Variants in GATAD2A observed in about 807,000 individuals in gnomAD.
GATAD2A encodes transcriptional repressor p66-alpha.
Under a neutral mutation model 68.5 loss-of-function variants are expected in GATAD2A, and 12 were observed. The ratio of observed to expected loss-of-function variants is 0.18; its 90% CI spans 0.11 to 0.28. The LOEUF is 0.28. Ranked by LOEUF, GATAD2A falls within the 10% of genes least tolerant of loss-of-function variation. GATAD2A has a pLI of 1.00. For missense variants in GATAD2A, 755 were observed against 868.5 expected (o/e 0.87, Z 1.64); for synonymous variants, 410 against 375.3 (o/e 1.09, Z -1.07).
intron 1 of GATAD2A, among the ~76,000 whole-genome samples, chr19:19,435,666 A>G (rs1278443223): frequency 1.3e-5 from 2 of 152,316 alleles, no homozygotes; most frequent in African/African-American, 4.8e-5. Flanking sequence ...CCTGGCCAAC[A>G]TGGCAAAACC....
At chr19:19,499,802 C>T (rs554645148) in intron 8 of GATAD2A, among the ~76,000 whole-genome samples, 13 of 152,300 alleles carry the variant, frequency 8.5e-5, no homozygotes, top group East Asian at 5.8e-4. Flanking sequence ...TCGTAACTCC[C>T]GGCCACAGGA....
chr19:19,469,727 A>G (rs941759382), intron 2 of GATAD2A, among the ~76,000 whole-genome samples: 6 of 152,214 alleles, frequency 3.9e-5, no homozygotes, highest in Admixed American at 3.3e-4. Flanking sequence ...TGGGCGGATC[A>G]CAAGGTCAGG....
At chr19:19,386,235 A>G (rs905607441) in intron 1 of GATAD2A, 2 of 150,298 alleles carry the variant, frequency 1.3e-5, no homozygotes, top group Non-Finnish European at 2.9e-5. Flanking sequence ...GGCCGAGTTT[A>G]CTCCCTTCTC....
At position 19,505,505 on chromosome 19, in the gene GATAD2A, C is replaced by T. The variant is rs1213006451; in HGVS notation, c.*31C>T. The T allele has an allele frequency of 8.4e-6, 13 of 1,542,642 alleles. No individual in the cohort carries two copies. The highest frequency in any genetic ancestry group is 3.9e-5 in the Admixed American group (2 of 50,822). The stretch of plus-strand genomic sequence containing the variant: ...GCCAGGCCCCGTGGAAGACGGGCTC[C>T]CTCCTCCCCCACCTGGCCCCTGGTC... On this transcript the variant is annotated 3_prime_UTR_variant, in exon 12 of 12. Transcript: ENST00000683918.
intron 1 of GATAD2A, among the ~76,000 whole-genome samples, chr19:19,410,099 G>T (rs577128620): frequency 2.0e-5 from 3 of 152,136 alleles, no homozygotes; most frequent in East Asian, 1.9e-4. Context: ...TCCTCTGTAC[G>T]CTGTACCCCC....
In GATAD2A at chr19:19,478,396, T is replaced by G. The variant is rs763571871; in HGVS notation, c.269+12782T>G. Among the ~76,000 whole-genome samples the G allele has an allele frequency of 2.1e-3, 322 of 152,036 alleles. 1 individual carries two copies. The highest frequency in any genetic ancestry group is 3.9e-3 in the Non-Finnish European group (265 of 67,956). On this transcript the variant is annotated intron_variant, in intron 2 of 11. Transcript: ENST00000683918. ...TGGGCAGATCACATGAGGCCAGGAGTTCGAGACCAGCCTGAGCAACATGGC... is the reference window on the plus strand; with the variant it reads ...TGGGCAGATCACATGAGGCCAGGAGGTCGAGACCAGCCTGAGCAACATGGC...
chr19:19,453,800 A>AT (rs1040022542), intron 1 of GATAD2A, among the ~76,000 whole-genome samples: 3 of 149,110 alleles, frequency 2.0e-5, no homozygotes, highest in Non-Finnish European at 4.4e-5. Flanking sequence ...AGTAGCTGGG[A>AT]TTACAGGTGC....
At chr19:19,482,360 C>T (rs1403310953) in intron 2 of GATAD2A, among the ~76,000 whole-genome samples, 1 of 152,132 alleles carries the variant, frequency 6.6e-6, no homozygotes, top group Non-Finnish European at 1.5e-5. Flanking sequence ...GCCAAGATCG[C>T]GCCACTGCAC....
intron 1 of GATAD2A, among the ~76,000 whole-genome samples, chr19:19,447,266 A>G (rs2055838363): frequency 6.6e-6 from 1 of 152,034 alleles, no homozygotes; most frequent in Non-Finnish European, 1.5e-5. Flanking sequence ...GTGAGCCAGG[A>G]TGTCAGTGTG....
At chr19:19,387,471 C>A (rs991901323) in intron 1 of GATAD2A, among the ~76,000 whole-genome samples, 25 of 152,080 alleles carry the variant, frequency 1.6e-4, no homozygotes, top group Admixed American at 1.3e-4. Flanking sequence ...AGGCACCCAC[C>A]ACCATGCCTG....
chr19:19,442,976 A>G (rs779828651), intron 1 of GATAD2A, among the ~76,000 whole-genome samples: 1 of 152,098 alleles, frequency 6.6e-6, no homozygotes, highest in Non-Finnish European at 1.5e-5. Context: ...GTTCCCTCGC[A>G]TGGCAGTGCT....
At chr19:19,418,129 G>A (rs949675394) in intron 1 of GATAD2A, among the ~76,000 whole-genome samples, 11 of 152,262 alleles carry the variant, frequency 7.2e-5, no homozygotes, top group Middle Eastern at 3.4e-3. Context: ...GGTCCTGGAG[G>A]GTGCTCTGGG....
chr19:19,459,249 A>G (rs937883554), intron 1 of GATAD2A, among the ~76,000 whole-genome samples: 4 of 152,192 alleles, frequency 2.6e-5, no homozygotes, highest in Non-Finnish European at 5.9e-5. Flanking sequence ...AATGTTTACT[A>G]TAGTAAGTGA....
intron 2 of GATAD2A, among the ~76,000 whole-genome samples, chr19:19,481,857 T>A (rs948910233): frequency 2.0e-5 from 3 of 152,218 alleles, no homozygotes; most frequent in Admixed American, 6.5e-5. Context: ...TACAGCACTT[T>A]GGGAGGCTGA....
intron 2 of GATAD2A, among the ~76,000 whole-genome samples, chr19:19,477,128 C>A (rs2058725671): frequency 6.6e-6 from 1 of 152,152 alleles, no homozygotes; most frequent in South Asian, 2.1e-4. Context: ...TGAAGCCAAG[C>A]TGGATCTGCT....
At chr19:19,492,196 C>A in intron 2 of GATAD2A, 110 bp from the exon 3 acceptor site, 2 of 1,130,720 alleles carry the variant, frequency 1.8e-6, no homozygotes, top group Non-Finnish European at 2.5e-6. Flanking sequence ...GGATGCAGGG[C>A]AGACAGGGAA....
intron 2 of GATAD2A, among the ~76,000 whole-genome samples, chr19:19,491,663 T>C (rs2059799080): frequency 6.6e-6 from 1 of 152,218 alleles, no homozygotes; most frequent in South Asian, 2.1e-4. Flanking sequence ...TGCCGCCATG[T>C]GGGGCCCAAG....
chr19:19,483,584 C>T (rs531557368), intron 2 of GATAD2A, among the ~76,000 whole-genome samples: 4 of 151,022 alleles, frequency 2.6e-5, no homozygotes, highest in South Asian at 2.1e-4. Context: ...CGGGGTGACT[C>T]GGGAGGACAC....
intron 2 of GATAD2A, among the ~76,000 whole-genome samples, chr19:19,478,612 AT>A (rs1308277480): frequency 6.6e-6 from 1 of 151,972 alleles, no homozygotes; most frequent in Non-Finnish European, 1.5e-5. Context: ...AAGAAAAAAA[AT>A]TTCAGCCTGG....
Sources: gnomAD v4.1 joint callset for allele counts (sites outside exome capture counted in the v4.1 genomes callset) on GRCh38, gnomAD v4.1.1 for gene constraint, MANE v1.5 for transcripts, NCBI Gene and HGNC (gene_info 2026-07-23, HGNC 2026-07-21) for gene names.